Variants in TLN2 observed in about 807,000 individuals in gnomAD.
TLN2 encodes talin-2.
In TLN2, 118 loss-of-function variants were observed where a neutral mutation model predicts 294.7. The observed-to-expected ratio is 0.40, with a 90% CI of 0.34 to 0.47. TLN2 has a LOEUF of 0.47. Among genes scored for constraint, TLN2 ranks in the 20% least tolerant of loss-of-function variants. The probability of loss-of-function intolerance (pLI) is 0.84; values close to 1 mark genes in which losing one functional copy is unlikely to be tolerated. For missense variants in TLN2, 3,083 were observed against 3,282.2 expected, an observed-to-expected ratio of 0.94 and a Z score of 1.48; for synonymous variants, 1,431 against 1,304.5, an observed-to-expected ratio of 1.10 and a Z score of -2.09.
At chr15:62,577,458 A>G (rs2044523769) in intron 1 of TLN2, among the ~76,000 whole-genome samples, 2 of 152,158 alleles carry the variant, frequency 1.3e-5, no homozygotes, top group East Asian at 3.9e-4. Context: ...AACAAAACAA[A>G]ACAACAAACA....
intron 22 of TLN2, among the ~76,000 whole-genome samples, chr15:62,712,606 A>C (rs190941269): frequency 6.6e-6 from 1 of 152,344 alleles, no homozygotes; most frequent in African/African-American, 2.4e-5. Context: ...TAATGCTTAC[A>C]AAACCTAGTG....
At chr15:62,649,611 C>T (rs6494336) in intron 4 of TLN2, among the ~76,000 whole-genome samples, 102,560 of 151,440 alleles carry the variant, frequency 0.68, 35,023 homozygotes, top group Middle Eastern at 0.81. Flanking sequence ...TCTTTTACAC[C>T]GCTCAGTTGG....
chr15:62,840,281 G>A (rs184990481), intron 58 of TLN2, among the ~76,000 whole-genome samples: 64 of 152,246 alleles, frequency 4.2e-4, no homozygotes, highest in African/African-American at 1.4e-3. Context: ...CAGAACCAGC[G>A]TGTTTTCATG....
intron 1 of TLN2, among the ~76,000 whole-genome samples, chr15:62,447,329 C>T (rs1330861537): frequency 2.6e-5 from 4 of 151,958 alleles, no homozygotes; most frequent in Non-Finnish European, 1.5e-5. Context: ...TCCAGAACGT[C>T]GGGGTGGGTT....
intron 2 of TLN2, among the ~76,000 whole-genome samples, chr15:62,614,857 G>T (rs930549053): frequency 1.3e-5 from 2 of 152,140 alleles, no homozygotes; most frequent in African/African-American, 4.8e-5. Flanking sequence ...GTTTCGCTCT[G>T]TGCAGTGGTG....
rs140020727 is a variant in TLN2 at position 62,674,579 on chromosome 15, C to T, written c.853-638C>T. Among the ~76,000 whole-genome samples, 185 of 151,468 alleles carry T rather than the reference C, an allele frequency of 1.2e-3. 6 individuals are homozygous for T. In the East Asian group the frequency reaches 0.032, roughly 26 times the overall value. ...GGCGATCTCAGCTCACTGCAACCTCCGTACCTCCCCCCGCCCTGTTCAAGT... is the reference window on the plus strand; with the variant it reads ...GGCGATCTCAGCTCACTGCAACCTCTGTACCTCCCCCCGCCCTGTTCAAGT... On this transcript the variant is annotated intron_variant, in intron 10 of 58. Transcript: ENST00000636159.
At chr15:62,728,594 C>T (rs1421976277) in intron 28 of TLN2, among the ~76,000 whole-genome samples, 1 of 152,098 alleles carries the variant, frequency 6.6e-6, no homozygotes, top group Non-Finnish European at 1.5e-5. Flanking sequence ...AACTTTAGCC[C>T]TTTTGGTTTG....
At chr15:62,833,874 C>G (rs1439517782) in intron 55 of TLN2, 1 of 436,198 alleles carries the variant, frequency 2.3e-6, no homozygotes, top group Admixed American at 4.0e-5. Flanking sequence ...CAGGCAGTGA[C>G]TGGGGCCTGA....
intron 1 of TLN2, among the ~76,000 whole-genome samples, chr15:62,553,061 AAAAT>A (rs1259091387): frequency 1.3e-5 from 2 of 152,258 alleles, no homozygotes; most frequent in African/African-American, 4.8e-5. Context: ...AAAAACTTTT[AAAAT>A]AAATAATTGC....
chr15:62,566,324 A>G (rs1056530384), intron 1 of TLN2, among the ~76,000 whole-genome samples: 2 of 152,108 alleles, frequency 1.3e-5, no homozygotes, highest in Non-Finnish European at 2.9e-5. Context: ...CAGAGACTTC[A>G]CCAGGCACTG....
At chr15:62,632,038 A>T (rs903721625) in intron 3 of TLN2, among the ~76,000 whole-genome samples, 1 of 152,162 alleles carries the variant, frequency 6.6e-6, no homozygotes, top group African/African-American at 2.4e-5. Flanking sequence ...AGTGGCTCCA[A>T]AGTCTCTGTG....
At chr15:62,467,705 A>G (rs1445191238) in intron 1 of TLN2, among the ~76,000 whole-genome samples, 5 of 152,190 alleles carry the variant, frequency 3.3e-5, no homozygotes, top group Non-Finnish European at 7.3e-5. Context: ...TTAGTGTGAA[A>G]AAAAGCATGC....
At chr15:62,754,225 G>A (rs552889481) in intron 36 of TLN2, 3 of 226,454 alleles carry the variant, frequency 1.3e-5, no homozygotes, top group South Asian at 1.2e-4. Flanking sequence ...GTGCTTAGCT[G>A]TAAGGGTTCA....
intron 52 of TLN2, among the ~76,000 whole-genome samples, chr15:62,813,950 G>A (rs1402155493): frequency 1.3e-5 from 2 of 152,086 alleles, no homozygotes; most frequent in African/African-American, 2.4e-5. Context: ...AAGTAGCTGG[G>A]ATTACAGGCA....
Position 62,689,877 on chromosome 15 carries a change from T to TTTTTTTTTTTTTTTTTTTTTTTTTTTA in TLN2, c.1114-2963_1114-2962insTTTTTTTTTTTTTTTTTTTTTTTTTTA, listed in dbSNP as rs71131119. ...TTTTTTTTTTTTTTTTTTTTTTTTT[T>TTTTTTTTTTTTTTTTTTTTTTTTTTTA]ATTGGCTGACCCCCCTTCCTCCCTC... On this transcript the variant is annotated intron_variant, in intron 12 of 58. Transcript: ENST00000636159. 4.1e-4 allele frequency among the ~76,000 whole-genome samples: 4 copies of TTTTTTTTTTTTTTTTTTTTTTTTTTTA among 9,848 alleles called. 2 individuals carry two copies. The highest frequency in any genetic ancestry group is 5.3e-3 in the Admixed American group (2 of 380). 6.5% of individuals were successfully genotyped at this position (9,848 alleles called of 152,430 possible).
chr15:62,776,502 T>C (rs888088550), intron 42 of TLN2, among the ~76,000 whole-genome samples: 4 of 152,236 alleles, frequency 2.6e-5, no homozygotes, highest in Admixed American at 6.5e-5. Context: ...TAGTAACATA[T>C]AAAATTGGTC....
In TLN2 at chr15:62,653,987, T is replaced by A. The variant is rs963564017; in HGVS notation, c.517+673T>A. ...TATATTTATGGGATGCATTGTGATATATCTGTGTAGACACTGAAGAAGGAT... is the reference window on the plus strand; with the variant it reads ...TATATTTATGGGATGCATTGTGATAAATCTGTGTAGACACTGAAGAAGGAT... On this transcript the variant is annotated intron_variant, in intron 7 of 58. Transcript: ENST00000636159. Among the ~76,000 whole-genome samples the A allele has an allele frequency of 3.3e-5, 5 of 152,232 alleles. No individual in the cohort carries two copies. The South Asian group carries it at 6.2e-4, about 19-fold the overall frequency.
intron 3 of TLN2, among the ~76,000 whole-genome samples, chr15:62,623,777 A>G (rs2049035259): frequency 6.6e-6 from 1 of 152,166 alleles, no homozygotes; most frequent in South Asian, 2.1e-4. Context: ...TTTTAGGTTT[A>G]TGTATTTCAT....
chr15:62,717,436 C>G, intron 23 of TLN2, 140 bp from the exon 24 acceptor site: 2 of 453,120 alleles, frequency 4.4e-6, no homozygotes, highest in Non-Finnish European at 7.7e-6. Flanking sequence ...AGGGTCATCA[C>G]TGGTTTTAAA....
Sources: gnomAD v4.1 joint callset for allele counts (sites outside exome capture counted in the v4.1 genomes callset) on GRCh38, gnomAD v4.1.1 for gene constraint, MANE v1.5 for transcripts, NCBI Gene and HGNC (gene_info 2026-07-23, HGNC 2026-07-21) for gene names.